CLEC4G: variants seen among roughly 807,000 people sequenced by gnomAD.
The protein encoded by CLEC4G is C-type lectin superfamily 4, member G.
Under a neutral mutation model 37.0 loss-of-function variants are expected in CLEC4G, and 34 were observed. The ratio of observed to expected loss-of-function variants is 0.92; its 90% CI spans 0.70 to 1.22. CLEC4G has a LOEUF of 1.22. CLEC4G is among the 50% of genes most tolerant of loss of function. CLEC4G has a pLI of 0.00. For missense variants in CLEC4G, 390 were observed against 392.9 expected (o/e 0.99, Z 0.06); for synonymous variants, 167 against 165.6 (o/e 1.01, Z -0.06).
chr19:7,729,343 C>A lies in CLEC4G; in HGVS notation c.*23G>T, dbSNP rs372897279. 6.4e-7 allele frequency: 1 copy of A among 1,552,032 alleles called. No individual in the cohort carries two copies. Among genetic ancestry groups the A allele is most frequent in the Non-Finnish European group, 8.9e-7 (1 of 1,126,490 alleles). On this transcript the variant is annotated 3_prime_UTR_variant, in exon 9 of 9. Coordinates refer to ENST00000328853, the MANE Select transcript of CLEC4G (RefSeq NM_198492.4). Reference sequence around the variant, plus strand: ...AGGATACGACATGCTGCAATGGGCGCGGCTCCAGGGCACTGGGCGGGGTCA... The same window carrying A: ...AGGATACGACATGCTGCAATGGGCGAGGCTCCAGGGCACTGGGCGGGGTCA...
rs1282090773 is a variant in CLEC4G, at chr19:7,730,261, G to A, written c.478+90C>T. On this transcript the variant is annotated intron_variant, in intron 6 of 8. Transcript: ENST00000328853. This position sits in a 1 kb window ranked among gnomAD's most constrained non-coding sequence, Gnocchi z 7.3. ...TAGGGGTTCGGCCCCGCGGGCTCAG[G>A]GGTGGAGACACAGAACCAGGCCAAG... 1.7e-5 allele frequency: 26 copies of A among 1,573,334 alleles called. No individual in the cohort carries two copies. The highest frequency in any genetic ancestry group is 1.4e-4 in the Admixed American group (8 of 55,928).
rs768739751 is a variant in CLEC4G at position 7,731,790 on chromosome 19, C to T, written c.56-19G>A. On this transcript the variant is annotated intron_variant, in intron 1 of 8. Transcript: ENST00000328853. ...CAGGGCCCTGGCATAACAAGGACGGCATGCTGGGTCCCCCAGAACTGAGCC... is the reference window on the plus strand; with the variant it reads ...CAGGGCCCTGGCATAACAAGGACGGTATGCTGGGTCCCCCAGAACTGAGCC... The T allele has an allele frequency of 6.8e-6, 11 of 1,606,832 alleles. No homozygotes were observed. The highest frequency in any genetic ancestry group is 1.3e-5 in the African/African-American group (1 of 74,808).
At position 7,730,968 on chromosome 19, in the gene CLEC4G, C is replaced by G; in HGVS notation, c.283+58G>C. ...CGCAGGCCTCCGCCCCGGCCCCCCTCCCATCGCGGCCGCAAGACCCCATCC... is the reference window on the plus strand; with the variant it reads ...CGCAGGCCTCCGCCCCGGCCCCCCTGCCATCGCGGCCGCAAGACCCCATCC... On this transcript the variant is annotated intron_variant, in intron 4 of 8. Transcript: ENST00000328853. The surrounding 1 kb of genome is among the most constrained non-coding windows in gnomAD (Gnocchi z 7.3). 2 of 1,528,318 alleles carry G rather than the reference C, an allele frequency of 1.3e-6. No individual in the cohort carries two copies. 94.7% of individuals were successfully genotyped at this position (1,528,318 alleles called of 1,614,324 possible). A position where few individuals can be genotyped will look rare whatever the true frequency, so the allele number is the denominator to read the frequency against.
chr19:7,729,734 G>T, intron 8 of CLEC4G, 87 bp downstream of exon 8: 2 of 1,563,296 alleles, frequency 1.3e-6, no homozygotes, highest in Non-Finnish European at 8.6e-7. Context: ...AGCCCCAGCC[G>T]AGGGGTCCCT....
In CLEC4G at chr19:7,731,804, C is replaced by G. The variant is rs368296499; in HGVS notation, c.56-33G>C. On this transcript the variant is annotated intron_variant, in intron 1 of 8. Coordinates refer to ENST00000328853, the MANE Select transcript of CLEC4G (RefSeq NM_198492.4). ...AACAAGGACGGCATGCTGGGTCCCC[C>G]AGAACTGAGCCCTGGAGGCCTGAGT... The G allele has an allele frequency of 3.1e-6, 5 of 1,598,682 alleles. 1 individual carries two copies. The South Asian group carries it at 4.5e-5, about 14-fold the overall frequency.
intron 3 of CLEC4G, 52 bp from the exon 4 acceptor site, chr19:7,731,140 C>T (rs998253509): frequency 1.5e-5 from 24 of 1,599,562 alleles, no homozygotes; most frequent in Admixed American, 6.7e-5. Flanking sequence ...CTTGGGAGGA[C>T]TCAGGGGACC....
In CLEC4G at chr19:7,730,974, G is replaced by T. The variant is rs961235563; in HGVS notation, c.283+52C>A. ...CCTCCGCCCCGGCCCCCCTCCCATC[G>T]CGGCCGCAAGACCCCATCCCTGCGC... On this transcript the variant is annotated intron_variant, in intron 4 of 8. Transcript: ENST00000328853. The surrounding 1 kb of genome is among the most constrained non-coding windows in gnomAD (Gnocchi z 7.3). 2 of 1,334,070 alleles carry T rather than the reference G, an allele frequency of 1.5e-6. No homozygotes were observed. Among genetic ancestry groups the T allele is most frequent in the Admixed American group, 3.3e-5 (1 of 30,566 alleles). The allele number at this position is 1,334,070 out of a possible 1,614,324, so 82.6% of individuals were successfully genotyped here. A position where few individuals can be genotyped will look rare whatever the true frequency, so the allele number is the denominator to read the frequency against.
intron 7 of CLEC4G, 30 bp downstream of exon 7, chr19:7,729,989 C>G (rs757283246): frequency 1.2e-6 from 2 of 1,601,914 alleles, no homozygotes; most frequent in Non-Finnish European, 1.7e-6. Context: ...CCTGCCCCAC[C>G]GCCTGACCAC....
At position 7,730,464 on chromosome 19, in the gene CLEC4G, T is replaced by C. The variant is rs1367726214; in HGVS notation, c.389-24A>G. Reference sequence around the variant, plus strand: ...CACTGCGGGGTCAAGGGAGCGGGGATTATGGCTGGGGTCAGGGCCAGGACC... The same window carrying C: ...CACTGCGGGGTCAAGGGAGCGGGGACTATGGCTGGGGTCAGGGCCAGGACC... On this transcript the variant is annotated intron_variant, in intron 5 of 8. Transcript: ENST00000328853. The surrounding 1 kb of genome is among the most constrained non-coding windows in gnomAD (Gnocchi z 7.3). 1.3e-6 allele frequency: 2 copies of C among 1,597,692 alleles called. No individual in the cohort carries two copies. The highest frequency in any genetic ancestry group is 2.2e-5 in the East Asian group (1 of 44,866).
chr19:7,729,522 G>T lies in CLEC4G; in HGVS notation c.744-18C>A. Reference sequence around the variant, plus strand: ...TCCAGTGGCTACAGGGGGGTTGAGTGGGGGTGTTGCTGGGAATCTAGACAG... The same window carrying T: ...TCCAGTGGCTACAGGGGGGTTGAGTTGGGGTGTTGCTGGGAATCTAGACAG... On this transcript the variant is annotated intron_variant, in intron 8 of 8. Transcript: ENST00000328853. 6.4e-7 allele frequency: 1 copy of T among 1,566,310 alleles called. No homozygotes were observed. The highest frequency in any genetic ancestry group is 8.7e-7 in the Non-Finnish European group (1 of 1,150,504).
chr19:7,731,869 T>C, intron 1 of CLEC4G, 98 bp from the exon 2 acceptor site: 2 of 1,533,510 alleles, frequency 1.3e-6, no homozygotes, highest in East Asian at 4.8e-5. Context: ...TTAAGTAACT[T>C]GCCTATGGTC....
Position 7,730,868 on chromosome 19 carries a change from C to G in CLEC4G, c.284-9G>C, listed in dbSNP as rs763073462. ...CGCCTGCGTCCCCGAGCCTGGGAGC[C>G]GCAGGGTGAGAGGGGCGAGGGCGGC... On this transcript the variant is annotated splice_polypyrimidine_tract_variant and intron_variant, in intron 4 of 8. Transcript: ENST00000328853. The surrounding 1 kb of genome is among the most constrained non-coding windows in gnomAD (Gnocchi z 7.3). 1 of 1,529,260 alleles carries G rather than the reference C, an allele frequency of 6.5e-7. No individual in the cohort carries two copies. The highest frequency in any genetic ancestry group is 1.2e-5 in the South Asian group (1 of 83,478). 94.7% of individuals were successfully genotyped at this position (1,529,260 alleles called of 1,614,324 possible).
chr19:7,730,916 G>C lies in CLEC4G; in HGVS notation c.284-57C>G, dbSNP rs571521332. 5,104 of 1,512,916 alleles carry C rather than the reference G, an allele frequency of 3.4e-3. 21 individuals are homozygous for C. The highest frequency in any genetic ancestry group is 8.0e-3 in the Middle Eastern group (34 of 4,258). 93.7% of individuals were successfully genotyped at this position (1,512,916 alleles called of 1,614,324 possible). A position where few individuals can be genotyped will look rare whatever the true frequency, so the allele number is the denominator to read the frequency against. On this transcript the variant is annotated intron_variant, in intron 4 of 8. Transcript: ENST00000328853. This position sits in a 1 kb window ranked among gnomAD's most constrained non-coding sequence, Gnocchi z 7.3. ...GGCGAGGATGGGGCGGGACTTCGGA[G>C]ACCAGCCCCCGCCCCGCACCACCCG...
Position 7,731,266 on chromosome 19 carries a change from C to G in CLEC4G, c.220G>C (p.Ala74Pro). ...LDGHDLLRTN[A>P]SKQTAALGAL... is the part of the protein sequence containing the mutation. ...CCCAGGCGCCCGGCTCTGCACACAC[C>G]GTTTGTCCTCAGCAGGTCGTGGCCG... Residue 74 changes from alanine to proline, a missense_variant and splice_region_variant, in exon 3 of 9, where the codon GCC becomes CCC. Ala to Pro is a conservative substitution (Grantham distance 27). Transcript: ENST00000328853. 1 of 1,592,266 alleles carries G rather than the reference C, an allele frequency of 6.3e-7. No individual in the cohort carries two copies. Among genetic ancestry groups the G allele is most frequent in the South Asian group, 1.1e-5 (1 of 88,522 alleles).
In CLEC4G at chr19:7,730,175, G is replaced by T; in HGVS notation, c.479-8C>A. The T allele has an allele frequency of 3.7e-6, 6 of 1,611,258 alleles. No individual in the cohort carries two copies. Among genetic ancestry groups the T allele is most frequent in the Non-Finnish European group, 5.1e-6 (6 of 1,179,098 alleles). Reference sequence around the variant, plus strand: ...GGCACGGCTCGCAGGAGTCTGCGGGGTGGCGAGGGTCAGAGAGGTCGCGTG... The same window carrying T: ...GGCACGGCTCGCAGGAGTCTGCGGGTTGGCGAGGGTCAGAGAGGTCGCGTG... On this transcript the variant is annotated splice_polypyrimidine_tract_variant and splice_region_variant and intron_variant, in intron 6 of 8. Transcript: ENST00000328853. The surrounding 1 kb of genome is among the most constrained non-coding windows in gnomAD (Gnocchi z 7.3).
chr19:7,730,408 G>C lies in CLEC4G; in HGVS notation c.421C>G (p.Arg141Gly). The C allele has an allele frequency of 6.2e-7, 1 of 1,601,958 alleles. No homozygotes were observed. Among genetic ancestry groups the C allele is most frequent in the Non-Finnish European group, 8.5e-7 (1 of 1,179,876 alleles). Residue 141 changes from arginine (R) to glycine (G), a missense_variant, in exon 6 of 9, where the codon CGT becomes GGT. By Grantham distance (125) the Arg-to-Gly change is moderately radical. Coordinates refer to ENST00000328853, the MANE Select transcript of CLEC4G (RefSeq NM_198492.4). This position sits in a 1 kb window ranked among gnomAD's most constrained non-coding sequence, Gnocchi z 7.3. ...AACAGCTCAGTGCGGACGTCCTCACGGCCCCTGCCGGCTTCAGCCAAGCCC... is the reference window on the plus strand; with the variant it reads ...AACAGCTCAGTGCGGACGTCCTCACCGCCCCTGCCGGCTTCAGCCAAGCCC... ...TQGLAEAGRG[R>G]EDVRTELFRA...
In CLEC4G at chr19:7,730,094, C is replaced by A; in HGVS notation, c.552G>T (p.Thr184=). 6.2e-7 allele frequency: 1 copy of A among 1,610,660 alleles called. No individual in the cohort carries two copies. The highest frequency in any genetic ancestry group is 8.5e-7 in the Non-Finnish European group (1 of 1,179,086). The change falls in exon 7 of 9, where the codon ACG becomes ACT. Residue 184 remains threonine (T), a synonymous_variant. Coordinates refer to ENST00000328853, the MANE Select transcript of CLEC4G (RefSeq NM_198492.4). This position sits in a 1 kb window ranked among gnomAD's most constrained non-coding sequence, Gnocchi z 7.3. ...GSCYFFSVPK[T]TWAAAQDHCA... is the part of the protein sequence containing the mutation. ...AGTGATCCTGCGCCGCCGCCCACGT[C>A]GTCTTTGGCACAGAGAAAAAGTAGC...
rs374111233 is a variant in CLEC4G, at chr19:7,729,521, T to A, written c.744-17A>T. ...TTCCAGTGGCTACAGGGGGGTTGAG[T>A]GGGGGTGTTGCTGGGAATCTAGACA... On this transcript the variant is annotated splice_polypyrimidine_tract_variant and intron_variant, in intron 8 of 8. Coordinates refer to ENST00000328853, the MANE Select transcript of CLEC4G (RefSeq NM_198492.4). The A allele has an allele frequency of 2.5e-6, 4 of 1,569,708 alleles. No homozygotes were observed. The African/African-American group carries it at 5.4e-5, about 21-fold the overall frequency.
chr19:7,731,234 C>A (rs1366143298), intron 3 of CLEC4G, 32 bp downstream of exon 3: 2 of 1,581,592 alleles, frequency 1.3e-6, no homozygotes, highest in East Asian at 2.3e-5. Flanking sequence ...CCCTCACGCC[C>A]CGGGGGCCCA....
Sources: allele counts gnomAD v4.1 joint callset, GRCh38; gene constraint gnomAD v4.1.1; non-coding constraint Gnocchi (gnomAD v3.1); transcripts MANE v1.5; gene names NCBI Gene and HGNC (gene_info 2026-07-23, HGNC 2026-07-21).